The following NPEPPS variants were observed in gnomAD, a reference collection of about 807,000 sequenced individuals.
NPEPPS encodes puromycin-sensitive aminopeptidase.
NPEPPS carries 14 observed loss-of-function variants against 115.5 expected under a neutral mutation model. The observed-to-expected ratio is 0.12, with a 90% confidence interval of 0.08 to 0.19. NPEPPS has a LOEUF of 0.19. NPEPPS is among the 10% of genes least tolerant of loss of function. NPEPPS has a pLI of 1.00. For synonymous variants in NPEPPS, 285 were observed against 390.6 expected, an observed-to-expected ratio of 0.73 and a Z score of 3.19; for missense variants, 523 against 1,110.8, an observed-to-expected ratio of 0.47 and a Z score of 7.52.
At chr17:47,563,761 G>T (rs1381159049) in intron 2 of NPEPPS, among the ~76,000 whole-genome samples, 1 of 151,842 alleles carries the variant, frequency 6.6e-6, no homozygotes. Context: ...TAGTAGAGAC[G>T]GGGTTTCACC....
intron 19 of NPEPPS, 53 bp from the exon 20 acceptor site, chr17:47,618,297 C>G: frequency 8.4e-7 from 1 of 1,194,214 alleles, no homozygotes. Context: ...TAATCATATG[C>G]AGAACATCCA....
At position 47,531,209 on chromosome 17, in the gene NPEPPS, C is replaced by G. The variant is rs1409396879; in HGVS notation, c.-92C>G. ...GCCCGCCAGTCCGCCCGCACCGCCT[C>G]CTTCCCAGCCCCTAGCGCTCCGGCT... On this transcript the variant is annotated 5_prime_UTR_variant, in exon 1 of 23. Coordinates refer to ENST00000322157, the MANE Select transcript of NPEPPS (RefSeq NM_006310.4). 1 of 1,428,748 alleles carries G rather than the reference C, an allele frequency of 7.0e-7. No homozygotes were observed. 88.5% of individuals were successfully genotyped at this position (1,428,748 alleles called of 1,614,324 possible).
chr17:47,591,909 C>T (rs764018415), intron 10 of NPEPPS, 47 bp from the exon 11 acceptor site: 3 of 679,744 alleles, frequency 4.4e-6, no homozygotes, highest in East Asian at 2.7e-5. Context: ...TTCAGTATTA[C>T]AGGCTATCTG....
At chr17:47,549,308 C>T (rs1272074653) in intron 2 of NPEPPS, among the ~76,000 whole-genome samples, 4 of 151,926 alleles carry the variant, frequency 2.6e-5, no homozygotes, top group South Asian at 2.1e-4. Context: ...TGCCACTGCA[C>T]GCCAGCCTGG....
chr17:47,585,801 T>C (rs1912143383), intron 6 of NPEPPS, 101 bp downstream of exon 6: 6 of 899,104 alleles, frequency 6.7e-6, no homozygotes, highest in Non-Finnish European at 1.1e-5. Flanking sequence ...TAATTTAATC[T>C]GAAAGTTGTG....
At chr17:47,562,309 C>A (rs1910482814) in intron 2 of NPEPPS, among the ~76,000 whole-genome samples, 1 of 152,144 alleles carries the variant, frequency 6.6e-6, no homozygotes, top group Non-Finnish European at 1.5e-5. Flanking sequence ...CCTCTCTCAG[C>A]CTGTGGGATC....
At chr17:47,582,063 T>A (rs1394827509) in intron 4 of NPEPPS, 1 of 152,246 alleles carries the variant, frequency 6.6e-6, no homozygotes, top group Non-Finnish European at 1.5e-5. Context: ...AATGGAAAAT[T>A]CTGTTTACTA....
chr17:47,524,084 T>A (rs1221908219), intron 1 of NPEPPS, among the ~76,000 whole-genome samples: 1 of 151,490 alleles, frequency 6.6e-6, no homozygotes, highest in African/African-American at 2.4e-5. Context: ...GGCGGGTGGA[T>A]CACCCGAGGT....
At chr17:47,602,057 A>G (rs936354052) in intron 15 of NPEPPS, 2 of 272,248 alleles carry the variant, frequency 7.3e-6, no homozygotes, top group African/African-American at 4.6e-5. Context: ...CTGTCATTGT[A>G]ATGAAAGGTT....
chr17:47,530,863 T>A (rs983992272), upstream of NPEPPS, among the ~76,000 whole-genome samples: 3 of 151,762 alleles, frequency 2.0e-5, no homozygotes, highest in Admixed American at 2.0e-4. Context: ...GGGCCCCTTA[T>A]GCCTTTCCTT....
intron 12 of NPEPPS, among the ~76,000 whole-genome samples, chr17:47,595,245 T>C (rs1356497248): frequency 6.6e-6 from 1 of 152,036 alleles, no homozygotes; most frequent in Non-Finnish European, 1.5e-5. Flanking sequence ...TTTGTATTTT[T>C]AGTAGAGATG....
chr17:47,531,629 G>T, intron 1 of NPEPPS, 74 bp downstream of exon 1: 3 of 1,432,736 alleles, frequency 2.1e-6, no homozygotes, highest in South Asian at 1.5e-5. Context: ...TGGACTCAGG[G>T]CCCGGCCGGG....
chr17:47,594,169 C>T (rs906714250), intron 12 of NPEPPS, among the ~76,000 whole-genome samples: 8 of 152,048 alleles, frequency 5.3e-5, no homozygotes, highest in Non-Finnish European at 1.2e-4. Context: ...AAATAAGGTG[C>T]TACACCTGAA....
chr17:47,572,344 G>T (rs1310377273), intron 3 of NPEPPS, among the ~76,000 whole-genome samples: 2 of 152,098 alleles, frequency 1.3e-5, no homozygotes, highest in Admixed American at 1.3e-4. Context: ...GCATGACCAA[G>T]CCCAAAGTCA....
At chr17:47,549,013 G>C (rs1844167974) in intron 2 of NPEPPS, among the ~76,000 whole-genome samples, 1 of 152,154 alleles carries the variant, frequency 6.6e-6, no homozygotes, top group Admixed American at 6.6e-5. Flanking sequence ...GATTTGAAGA[G>C]AGATTCTGAT....
chr17:47,554,114 C>G (rs993216160), intron 2 of NPEPPS, among the ~76,000 whole-genome samples: 3 of 150,288 alleles, frequency 2.0e-5, no homozygotes, highest in Admixed American at 2.0e-4. Flanking sequence ...GATCTCGGCT[C>G]ACTGCAACCG....
intron 1 of NPEPPS, among the ~76,000 whole-genome samples, chr17:47,541,590 T>TCGA (rs1567837223): frequency 6.6e-6 from 1 of 152,200 alleles, no homozygotes; most frequent in East Asian, 1.9e-4. Flanking sequence ...TTAGCCAGGC[T>TCGA]GGTCTCGAAC....
intron 1 of NPEPPS, among the ~76,000 whole-genome samples, chr17:47,531,867 TC>T (rs941480827): frequency 6.6e-6 from 1 of 151,728 alleles, no homozygotes; most frequent in African/African-American, 2.4e-5. Flanking sequence ...TGTGGGGCTT[TC>T]CCCCCCGCCC....
chr17:47,530,809 G>C (rs1391045586), upstream of NPEPPS, among the ~76,000 whole-genome samples: 1 of 151,992 alleles, frequency 6.6e-6, no homozygotes, highest in Admixed American at 6.6e-5. Flanking sequence ...TTATGCATGC[G>C]ACCCTGGCTG....
Sources: gnomAD v4.1 joint callset for allele counts (sites outside exome capture counted in the v4.1 genomes callset) on GRCh38, gnomAD v4.1.1 for gene constraint, MANE v1.5 for transcripts, NCBI Gene and HGNC (gene_info 2026-07-23, HGNC 2026-07-21) for gene names.